GALK2: variants seen among roughly 807,000 people sequenced by gnomAD.
GALK2 encodes galactokinase 2, also known as N-acetylgalactosamine kinase.
GALK2 carries 36 observed loss-of-function variants against 52.4 expected under a neutral mutation model. The observed-to-expected ratio is 0.69, with a 90% CI of 0.53 to 0.91. GALK2 has a LOEUF of 0.91. GALK2 is among the 40% of genes least tolerant of loss of function. The pLI is 0.00. For synonymous variants in GALK2, 176 were observed against 199.1 expected (o/e 0.88, Z 0.98); for missense variants, 579 against 559.1 (o/e 1.04, Z -0.36).
chr15:49,197,201 A>G (rs910145267), intron 1 of GALK2, among the ~76,000 whole-genome samples: 5 of 152,220 alleles, frequency 3.3e-5, no homozygotes, highest in Admixed American at 6.5e-5. Context: ...TCATTTGCCT[A>G]TAATACCTTT....
chr15:49,230,370 T>C (rs1315778836), intron 3 of GALK2, among the ~76,000 whole-genome samples: 2 of 152,202 alleles, frequency 1.3e-5, no homozygotes, highest in Admixed American at 6.5e-5. Context: ...CTTGGGGTGT[T>C]TCTCTTGCCC....
At chr15:49,193,734 A>ATT (rs879854193) in intron 1 of GALK2, among the ~76,000 whole-genome samples, 3 of 144,484 alleles carry the variant, frequency 2.1e-5, no homozygotes, top group Non-Finnish European at 4.6e-5. Context: ...TTTTATTTTT[A>ATT]TTTTTTTTTT....
intron 3 of GALK2, among the ~76,000 whole-genome samples, chr15:49,354,458 C>T (rs2042753827): frequency 6.6e-6 from 1 of 152,226 alleles, no homozygotes; most frequent in African/African-American, 2.4e-5. Context: ...CAGGGAGTTC[C>T]CTTTCCGAGT....
intron 1 of GALK2, among the ~76,000 whole-genome samples, chr15:49,162,602 C>G (rs754111381): frequency 6.6e-6 from 1 of 152,124 alleles, no homozygotes; most frequent in Non-Finnish European, 1.5e-5. Flanking sequence ...AACTAAAATA[C>G]AGCAAAGGTG....
At chr15:49,256,555 G>A (rs1480331589) in intron 5 of GALK2, among the ~76,000 whole-genome samples, 1 of 152,118 alleles carries the variant, frequency 6.6e-6, no homozygotes, top group South Asian at 2.1e-4. Flanking sequence ...CTCATCTATA[G>A]GAGGCAGACA....
At chr15:49,178,603 T>A (rs1015874773) in intron 1 of GALK2, 1 of 229,826 alleles carries the variant, frequency 4.4e-6, no homozygotes, top group Admixed American at 4.5e-5. Flanking sequence ...GGTGCACTTT[T>A]TTGGGCTGGG....
chr15:49,322,960 TAAAAAAAAAAAAAAAAG>T (rs1204276263), intron 9 of GALK2, among the ~76,000 whole-genome samples: 4 of 68,168 alleles, frequency 5.9e-5, no homozygotes, highest in Non-Finnish European at 9.4e-5. Context: ...CCATCTCAGG[TAAAAAAAAAAAAAAAAG>T]AAAAAAAAAA....
At position 49,282,148 on chromosome 15, in the gene GALK2, G is replaced by A. The variant is rs141619801; in HGVS notation, c.603+63G>A. 9.1e-3 allele frequency: 11,094 copies of A among 1,215,756 alleles called. 81 individuals are homozygous for A. Among genetic ancestry groups the A allele is most frequent in the Non-Finnish European group, 1.0e-2 (8,225 of 824,460 alleles). The allele number at this position is 1,215,756 out of a possible 1,614,324, so 75.3% of individuals were successfully genotyped here. A position where few individuals can be genotyped will look rare whatever the true frequency, so the allele number is the denominator to read the frequency against. On this transcript the variant is annotated intron_variant, in intron 6 of 9. Coordinates refer to ENST00000560031, the MANE Select transcript of GALK2 (RefSeq NM_002044.4). Reference sequence around the variant, plus strand: ...CTAGTGGGAAAATTTACATGGAGAAGAAGGCCCTGAGAGCCCCAGGATGCT... The same window carrying A: ...CTAGTGGGAAAATTTACATGGAGAAAAAGGCCCTGAGAGCCCCAGGATGCT...
chr15:49,217,644 T>C (rs1566947326), intron 3 of GALK2, among the ~76,000 whole-genome samples: 1 of 152,240 alleles, frequency 6.6e-6, no homozygotes, highest in Non-Finnish European at 1.5e-5. Flanking sequence ...TTTTCCTATG[T>C]TACTATGGCA....
At chr15:49,190,099 G>A (rs961134283) in intron 1 of GALK2, among the ~76,000 whole-genome samples, 1 of 152,112 alleles carries the variant, frequency 6.6e-6, no homozygotes. Context: ...GAGTTTTAGG[G>A]AAAATTGTGA....
At chr15:49,336,805 T>C (rs888318095), downstream of GALK2, among the ~76,000 whole-genome samples, 2 of 152,178 alleles carry the variant, frequency 1.3e-5, no homozygotes, top group Admixed American at 6.5e-5. Context: ...GATCCTGTCA[T>C]CCAGGTAGTG....
intron 1 of GALK2, chr15:49,156,584 CAG>C: frequency 1.9e-6 from 1 of 520,086 alleles, no homozygotes; most frequent in East Asian, 4.9e-5. Context: ...TGAAACACGT[CAG>C]GAGCCAAAGA....
chr15:49,345,207 T>C (rs1213799639), intron 3 of GALK2, among the ~76,000 whole-genome samples: 4 of 152,222 alleles, frequency 2.6e-5, no homozygotes, highest in South Asian at 2.1e-4. Flanking sequence ...ACTATTGGTA[T>C]TGAAATCAAG....
chr15:49,242,496 G>A (rs1221471349), intron 5 of GALK2, among the ~76,000 whole-genome samples: 3 of 152,134 alleles, frequency 2.0e-5, no homozygotes, highest in South Asian at 2.1e-4. Context: ...AGGGACAACC[G>A]AAAATAACTA....
At chr15:49,334,222 CA>C (rs2039306250), downstream of GALK2, 3 of 980,604 alleles carry the variant, frequency 3.1e-6, no homozygotes, top group African/African-American at 5.2e-5. Context: ...ACAAACCTAT[CA>C]AGCTCCTTGT....
At chr15:49,173,984 C>A (rs1320476828) in intron 1 of GALK2, among the ~76,000 whole-genome samples, 2 of 152,088 alleles carry the variant, frequency 1.3e-5, no homozygotes, top group East Asian at 1.9e-4. Flanking sequence ...CTCAAGTGAT[C>A]CACCCGCCTT....
chr15:49,265,377 G>C (rs145651826), intron 5 of GALK2, among the ~76,000 whole-genome samples: 8 of 152,364 alleles, frequency 5.3e-5, no homozygotes, highest in South Asian at 2.1e-4. Context: ...CTCTGAGCCA[G>C]GTGCAGGATA....
At chr15:49,337,544 A>G (rs760397374) in intron 3 of GALK2, among the ~76,000 whole-genome samples, 5 of 59,064 alleles carry the variant, frequency 8.5e-5, no homozygotes, top group Non-Finnish European at 1.6e-4. Flanking sequence ...TTAGTATTAT[A>G]CTTTAAGTTC....
At chr15:49,335,748 T>C (rs2039594272), downstream of GALK2, among the ~76,000 whole-genome samples, 2 of 152,194 alleles carry the variant, frequency 1.3e-5, no homozygotes, top group Non-Finnish European at 2.9e-5. Context: ...GTTTCATAAA[T>C]CCTGTAATTA....
Sources: gnomAD v4.1 joint callset for allele counts (sites outside exome capture counted in the v4.1 genomes callset) on GRCh38, gnomAD v4.1.1 for gene constraint, MANE v1.5 for transcripts, NCBI Gene and HGNC (gene_info 2026-07-23, HGNC 2026-07-21) for gene names.